Variants in SLC9C2 observed in about 807,000 individuals in gnomAD.
SLC9C2 encodes the protein sodium/hydrogen exchanger 11.
A neutral mutation model predicts 140.2 loss-of-function variants in SLC9C2; 75 were observed. The ratio of observed to expected loss-of-function variants is 0.53; its 90% CI spans 0.44 to 0.65. The LOEUF (loss-of-function observed/expected upper bound fraction) is 0.65. SLC9C2 is among the 30% of genes least tolerant of loss of function. The pLI, the probability that SLC9C2 is intolerant of heterozygous loss-of-function variation, is 0.00. For missense variants in SLC9C2, 1,074 were observed against 1,331.8 expected (o/e 0.81, Z 3.01); for synonymous variants, 375 against 420.9 (o/e 0.89, Z 1.34).
At chr1:173,588,752 G>C (rs982246143) in intron 4 of SLC9C2, among the ~76,000 whole-genome samples, 1 of 152,030 alleles carries the variant, frequency 6.6e-6, no homozygotes, top group Non-Finnish European at 1.5e-5. Flanking sequence ...TAGTTTTGGT[G>C]TTAAGATTAA....
In SLC9C2 at chr1:173,587,046, G is replaced by A. The variant is rs142181718; in HGVS notation, c.523+619C>T. On this transcript the variant is annotated intron_variant, in intron 5 of 27. Transcript: ENST00000367714. ...GAAGGAACAAAGAAAAAAAAAACCT[G>A]ACAATAGGGGGATATTTCAGAGTGA... 2.8e-3 allele frequency among the ~76,000 whole-genome samples: 432 copies of A among 152,050 alleles called. 1 individual carries two copies. Among genetic ancestry groups the A allele is most frequent in the African/African-American group, 9.9e-3 (412 of 41,502 alleles).
In SLC9C2 at chr1:173,517,591, G is replaced by A; in HGVS notation, c.2853C>T (p.Ser951=). ...ATTCAATTTCACGCTTAAGCAGACA[G>A]CTTAGCTCTCCAATTATGTCCCCAG... ...CTTGDIIGEL[S]CLLKREIEYT... Residue 951 remains serine, a synonymous_variant, in exon 23 of 28, where the codon AGC becomes AGT. Coordinates refer to ENST00000367714, the MANE Select transcript of SLC9C2 (RefSeq NM_178527.4). 1 of 1,613,736 alleles carries A rather than the reference G, an allele frequency of 6.2e-7. No individual in the cohort carries two copies. Among genetic ancestry groups the A allele is most frequent in the African/African-American group, 1.3e-5 (1 of 74,984 alleles).
Position 173,501,058 on chromosome 1 carries a change from A to G in SLC9C2, c.*36T>C, listed in dbSNP as rs749573276. The G allele has an allele frequency of 2.0e-5, 30 of 1,510,016 alleles. No homozygotes were observed. The highest frequency in any genetic ancestry group is 2.5e-5 in the East Asian group (1 of 40,604). The allele number at this position is 1,510,016 out of a possible 1,614,324, so 93.5% of individuals were successfully genotyped here. Reference sequence around the variant, plus strand: ...ACCTGACTCCACACATCATATTTGTATCATTAATACCCTTTTCTAAAATGG... The same window carrying G: ...ACCTGACTCCACACATCATATTTGTGTCATTAATACCCTTTTCTAAAATGG... On this transcript the variant is annotated 3_prime_UTR_variant, in exon 28 of 28. Coordinates refer to ENST00000367714, the MANE Select transcript of SLC9C2 (RefSeq NM_178527.4).
intron 14 of SLC9C2, 34 bp from the exon 15 acceptor site, chr1:173,535,983 A>G (rs1571496681): frequency 6.8e-7 from 1 of 1,467,972 alleles, no homozygotes; most frequent in South Asian, 1.2e-5. Context: ...GTGTTATAAT[A>G]AAAAGCAAGT....
At chr1:173,501,183 A>C in intron 27 of SLC9C2, 86 bp from the exon 28 acceptor site, 2 of 1,334,812 alleles carry the variant, frequency 1.5e-6, no homozygotes, top group Non-Finnish European at 2.0e-6. Flanking sequence ...CAGAAAACTT[A>C]TGTAGGCATT....
intron 9 of SLC9C2, among the ~76,000 whole-genome samples, chr1:173,565,951 T>G (rs758677766): frequency 1.3e-4 from 20 of 151,890 alleles, no homozygotes; most frequent in Non-Finnish European, 2.2e-4. Context: ...GTTTTTGTCC[T>G]TCATTCTGTT....
At chr1:173,569,413 A>G (rs1486525417) in intron 9 of SLC9C2, among the ~76,000 whole-genome samples, 1 of 151,946 alleles carries the variant, frequency 6.6e-6, no homozygotes, top group East Asian at 1.9e-4. Context: ...TGATTATTAA[A>G]TGCCTTGAGG....
intron 24 of SLC9C2, among the ~76,000 whole-genome samples, chr1:173,508,542 G>A (rs943917868): frequency 7.2e-5 from 11 of 152,156 alleles, no homozygotes; most frequent in African/African-American, 2.7e-4. Context: ...AAAAGGAAAA[G>A]AGAAGAATTC....
At position 173,512,950 on chromosome 1, in the gene SLC9C2, T is replaced by C. The variant is rs139725852; in HGVS notation, c.2908-3251A>G. 4.9e-3 allele frequency among the ~76,000 whole-genome samples: 753 copies of C among 152,340 alleles called. 7 individuals carry two copies. Among genetic ancestry groups the C allele is most frequent in the African/African-American group, 0.017 (712 of 41,578 alleles). On this transcript the variant is annotated intron_variant, in intron 23 of 27. Coordinates refer to ENST00000367714, the MANE Select transcript of SLC9C2 (RefSeq NM_178527.4). ...GGTTCTGTTTATCTGATGGATTATG[T>C]TTATTGATTTGCATATGTTGAACCA...
At chr1:173,509,792 G>T in intron 23 of SLC9C2, 93 bp from the exon 24 acceptor site, 2 of 1,265,342 alleles carry the variant, frequency 1.6e-6, no homozygotes, top group Non-Finnish European at 2.2e-6. Flanking sequence ...TTAACCTTCA[G>T]AAAAACTATC....
At chr1:173,578,754 C>T (rs2102205334) in intron 7 of SLC9C2, among the ~76,000 whole-genome samples, 1 of 152,330 alleles carries the variant, frequency 6.6e-6, no homozygotes, top group South Asian at 2.1e-4. Context: ...GGTATTCTCT[C>T]TGTGTCTTCA....
Position 173,570,710 on chromosome 1 carries a change from A to C in SLC9C2, c.1046+2472T>G, listed in dbSNP as rs144782886. 3.1e-3 allele frequency among the ~76,000 whole-genome samples: 469 copies of C among 152,232 alleles called. 2 individuals carry two copies. Among genetic ancestry groups the C allele is most frequent in the African/African-American group, 0.01 (433 of 41,526 alleles). ...GAGAAACTCAAGTTTCTACCACGGG[A>C]ATGGGTGCTTCCCCTCTGGCTAGGG... is the stretch of plus-strand genomic sequence containing the variant. On this transcript the variant is annotated intron_variant, in intron 9 of 27. Transcript: ENST00000367714.
chr1:173,573,342 A>G lies in SLC9C2; in HGVS notation c.903-17T>C. 7.0e-7 allele frequency: 1 copy of G among 1,433,024 alleles called. No individual in the cohort carries two copies. Among genetic ancestry groups the G allele is most frequent in the Non-Finnish European group, 9.5e-7 (1 of 1,049,454 alleles). The allele number at this position is 1,433,024 out of a possible 1,614,324, so 88.8% of individuals were successfully genotyped here. ...CTTAAGAACCTAGGATGAATGAAAT[A>G]GAAATGACATTTTAAGCAATCATCT... On this transcript the variant is annotated splice_polypyrimidine_tract_variant and intron_variant, in intron 8 of 27. Transcript: ENST00000367714.
chr1:173,544,104 C>A (rs1253800190), intron 13 of SLC9C2, among the ~76,000 whole-genome samples: 1 of 151,932 alleles, frequency 6.6e-6, no homozygotes, highest in Non-Finnish European at 1.5e-5. Context: ...TGCAATCTAC[C>A]CATCTGACAA....
chr1:173,525,089 T>C (rs1661104149), intron 19 of SLC9C2, among the ~76,000 whole-genome samples, 162 bp from the exon 20 acceptor site: 1 of 152,184 alleles, frequency 6.6e-6, no homozygotes, highest in Non-Finnish European at 1.5e-5. Context: ...TATTTTCAAC[T>C]CTATTTTATG....
rs773278363 is a variant in SLC9C2 at position 173,534,534 on chromosome 1, A to T, written c.1924T>A (p.Ser642Thr). ...AAAAACATAAAATAGTAGTTTATTG[A>T]TATCAGTGCTGATACATTTAAACCT... ...ARGLNVSALI[S>T]INYYFMFLYV... Residue 642 changes from serine (S) to threonine (T), a missense_variant, in exon 16 of 28, where the codon TCA becomes ACA. Physicochemically the swap from Ser to Thr is moderately conservative, Grantham distance 58 (BLOSUM62 1). Transcript: ENST00000367714. 6.3e-7 allele frequency: 1 copy of T among 1,592,398 alleles called. No individual in the cohort carries two copies. The highest frequency in any genetic ancestry group is 1.2e-5 in the South Asian group (1 of 85,806).
intron 9 of SLC9C2, among the ~76,000 whole-genome samples, chr1:173,563,350 A>C (rs373102408): frequency 4.6e-5 from 7 of 152,030 alleles, no homozygotes; most frequent in African/African-American, 1.7e-4. Context: ...GAAACTTAAA[A>C]ATGTTTTAGC....
chr1:173,509,568 C>T lies in SLC9C2; in HGVS notation c.3039G>A (p.Glu1013=), dbSNP rs761203978. Reference sequence around the variant, plus strand: ...TTAATATTTTAATCACATAACTTACCTCATCAATAAGACTTGATTCAAAAT... The same window carrying T: ...TTAATATTTTAATCACATAACTTACTTCATCAATAAGACTTGATTCAAAAT... ...YQYFESSLID[E]DLRFQNCVMF... Residue 1013 remains glutamate (E), a splice_region_variant and synonymous_variant, in exon 24 of 28, where the codon GAG becomes GAA. Coordinates refer to ENST00000367714, the MANE Select transcript of SLC9C2 (RefSeq NM_178527.4). The T allele has an allele frequency of 5.1e-5, 79 of 1,536,454 alleles. No homozygotes were observed. The highest frequency in any genetic ancestry group is 6.5e-5 in the Non-Finnish European group (74 of 1,145,620).
At chr1:173,591,786 T>C (rs1666181052) in intron 4 of SLC9C2, among the ~76,000 whole-genome samples, 1 of 152,246 alleles carries the variant, frequency 6.6e-6, no homozygotes, top group South Asian at 2.1e-4. Flanking sequence ...GTCACATGCA[T>C]AGTTTGCAAA....
Sources: allele counts gnomAD v4.1 joint callset (sites outside exome capture counted in the v4.1 genomes callset), GRCh38; gene constraint gnomAD v4.1.1; transcripts MANE v1.5; gene names NCBI Gene and HGNC (gene_info 2026-07-23, HGNC 2026-07-21).